The following DNAH11 variants were observed in gnomAD, a reference collection of about 807,000 sequenced individuals.
The protein encoded by DNAH11 is axonemal beta dynein heavy chain 11.
DNAH11 carries 442 observed loss-of-function variants against 526.0 expected under a neutral mutation model. That is an observed-to-expected ratio of 0.84 (90% CI 0.78 to 0.91). DNAH11 has a LOEUF of 0.91. DNAH11 is among the 40% of genes least tolerant of loss of function. DNAH11 has a pLI of 0.00. For missense variants in DNAH11, 6,989 were observed against 5,448.7 expected, an observed-to-expected ratio of 1.28 and a Z score of -8.90; for synonymous variants, 2,461 against 1,935.9, an observed-to-expected ratio of 1.27 and a Z score of -7.12.
chr7:21,557,540 G>T (rs916854681), intron 2 of DNAH11, among the ~76,000 whole-genome samples: 1 of 152,116 alleles, frequency 6.6e-6, no homozygotes, highest in African/African-American at 2.4e-5. Context: ...ATTTTATGGA[G>T]ACACTAATCC....
rs1789438867 is a variant in DNAH11, at chr7:21,809,974, G to A, written c.10332+1925G>A. ...TATGTAAACTTTAGAGTTATAGTTG[G>A]AAAAGTGCTTTAAACAGAAGTGATA... On this transcript the variant is annotated intron_variant, in intron 63 of 81. Transcript: ENST00000409508. Among the ~76,000 whole-genome samples the A allele has an allele frequency of 1.3e-5, 2 of 152,162 alleles. 1 individual carries two copies. The highest frequency in any genetic ancestry group is 1.3e-4 in the Admixed American group (2 of 15,272).
rs1785068983 is a variant in DNAH11 at position 21,601,154 on chromosome 7, C to T, written c.3400C>T (p.His1134Tyr). 6.2e-7 allele frequency: 1 copy of T among 1,602,498 alleles called. No homozygotes were observed. The highest frequency in any genetic ancestry group is 8.5e-7 in the Non-Finnish European group (1 of 1,177,514). ...IKKWSWMFQE[H>Y]LLRFVIDSLN... Reference sequence around the variant, plus strand: ...GAAATGGAGCTGGATGTTTCAGGAGCATCTTTTGAGATTTGTCATTGACAG... The same window carrying T: ...GAAATGGAGCTGGATGTTTCAGGAGTATCTTTTGAGATTTGTCATTGACAG... The change falls in exon 17 of 82, where the codon CAT (histidine) becomes TAT (tyrosine). Residue 1134 changes from histidine (H) to tyrosine (Y), a missense_variant. Coordinates refer to ENST00000409508, the MANE Select transcript of DNAH11 (RefSeq NM_001277115.2).
At position 21,735,778 on chromosome 7, in the gene DNAH11, C is replaced by A. The variant is rs201635346; in HGVS notation, c.7579C>A (p.Leu2527Ile). ...CTTTGTAGGTGACACATTGGCAAGTCTCTCTGAGGATTACATAGTATCCCG... is the reference window on the plus strand; with the variant it reads ...CTTTGTAGGTGACACATTGGCAAGTATCTCTGAGGATTACATAGTATCCCG... ...TVFVGDTLASLSEDYIVSRVP... is the reference protein window; with the variant it reads ...TVFVGDTLASISEDYIVSRVP... Residue 2527 changes from leucine to isoleucine, a missense_variant, in exon 46 of 82, where the codon CTC becomes ATC. Leu to Ile is a conservative substitution (Grantham distance 5, BLOSUM62 2). Coordinates refer to ENST00000409508, the MANE Select transcript of DNAH11 (RefSeq NM_001277115.2). The A allele has an allele frequency of 6.2e-7, 1 of 1,613,948 alleles. No homozygotes were observed. The highest frequency in any genetic ancestry group is 1.7e-5 in the Admixed American group (1 of 60,018).
intron 65 of DNAH11, among the ~76,000 whole-genome samples, chr7:21,830,134 C>T (rs970423065): frequency 1.3e-5 from 2 of 152,090 alleles, no homozygotes; most frequent in Non-Finnish European, 2.9e-5. Flanking sequence ...ATAGATGATA[C>T]GTATTTGAAG....
intron 48 of DNAH11, among the ~76,000 whole-genome samples, chr7:21,739,908 C>G (rs1446862175): frequency 1.3e-5 from 2 of 152,120 alleles, no homozygotes; most frequent in East Asian, 1.9e-4. Flanking sequence ...CAAATAATTC[C>G]TATGTACTCT....
In DNAH11 at chr7:21,601,377, G is replaced by T; in HGVS notation, c.3426-19G>T. The T allele has an allele frequency of 6.3e-7, 1 of 1,596,186 alleles. No individual in the cohort carries two copies. The highest frequency in any genetic ancestry group is 8.6e-7 in the Non-Finnish European group (1 of 1,168,698). Reference sequence around the variant, plus strand: ...ATAAACTTAATTTGTGTGTATCTATGTACATATATATTTAATAGTCTGAAT... The same window carrying T: ...ATAAACTTAATTTGTGTGTATCTATTTACATATATATTTAATAGTCTGAAT... On this transcript the variant is annotated intron_variant, in intron 17 of 81. Coordinates refer to ENST00000409508, the MANE Select transcript of DNAH11 (RefSeq NM_001277115.2).
intron 65 of DNAH11, among the ~76,000 whole-genome samples, chr7:21,841,857 T>C (rs1782216476): frequency 6.6e-6 from 1 of 152,220 alleles, no homozygotes; most frequent in Non-Finnish European, 1.5e-5. Context: ...GCCAGATCTG[T>C]CATTGCTTTT....
In DNAH11 at chr7:21,617,616, T is replaced by G; in HGVS notation, c.4096-3T>G. ...CTAGGTTTTTTCCTCCACTTTTCTTTAGGAAATTTGGTCACTCAACAAGGA... is the reference window on the plus strand; with the variant it reads ...CTAGGTTTTTTCCTCCACTTTTCTTGAGGAAATTTGGTCACTCAACAAGGA... On this transcript the variant is annotated splice_region_variant and splice_polypyrimidine_tract_variant and intron_variant, in intron 22 of 81. Transcript: ENST00000409508. 1 of 1,613,654 alleles carries G rather than the reference T, an allele frequency of 6.2e-7. No homozygotes were observed. The highest frequency in any genetic ancestry group is 8.5e-7 in the Non-Finnish European group (1 of 1,179,736).
chr7:21,613,164 T>C (rs546491054), intron 20 of DNAH11, among the ~76,000 whole-genome samples: 90 of 152,202 alleles, frequency 5.9e-4, no homozygotes, highest in Non-Finnish European at 1.1e-3. Flanking sequence ...GGAAATGAAC[T>C]TCACACACAT....
intron 25 of DNAH11, among the ~76,000 whole-genome samples, chr7:21,635,039 A>T (rs887857248): frequency 6.6e-6 from 1 of 152,186 alleles, no homozygotes; most frequent in Non-Finnish European, 1.5e-5. Flanking sequence ...TGAAAAAACA[A>T]AACAAAAACA....
rs569970844 is a variant in DNAH11, at chr7:21,794,527, C to T, written c.10026+5185C>T. On this transcript the variant is annotated intron_variant, in intron 61 of 81. Transcript: ENST00000409508. ...TAGAAATGCTTGAAGTACTGACCAT[C>T]CTGAATTGAGGGTAAGGGGCCCCAA... 4.7e-4 allele frequency among the ~76,000 whole-genome samples: 71 copies of T among 152,216 alleles called. No individual in the cohort carries two copies. The South Asian group carries it at 5.2e-3, about 11-fold the overall frequency.
At chr7:21,593,035 T>C (rs1452554067) in intron 14 of DNAH11, among the ~76,000 whole-genome samples, 1 of 152,146 alleles carries the variant, frequency 6.6e-6, no homozygotes, top group African/African-American at 2.4e-5. Flanking sequence ...ATATGTATGG[T>C]ATTTAGAGCC....
chr7:21,875,868 A>G (rs1783686527), intron 74 of DNAH11, among the ~76,000 whole-genome samples: 1 of 149,666 alleles, frequency 6.7e-6, no homozygotes, highest in Non-Finnish European at 1.5e-5. Flanking sequence ...ACTTCAAGGA[A>G]GAATATTTCT....
Position 21,659,018 on chromosome 7 carries a change from T to C in DNAH11, c.5315T>C (p.Phe1772Ser). 1 of 1,594,006 alleles carries C rather than the reference T, an allele frequency of 6.3e-7. No individual in the cohort carries two copies. Among genetic ancestry groups the C allele is most frequent in the Non-Finnish European group, 8.5e-7 (1 of 1,171,192 alleles). ...GGCTACGAAACAGCCCTGAAGGATT[T>C]CCATAAAAAACAGGTATTACATAGA... Reference protein sequence around the residue: ...EEGYETALKDFHKKQISQLNT... With the variant: ...EEGYETALKDSHKKQISQLNT... Residue 1772 changes from phenylalanine to serine, a missense_variant, in exon 30 of 82, where the codon TTC becomes TCC. Coordinates refer to ENST00000409508, the MANE Select transcript of DNAH11 (RefSeq NM_001277115.2).
rs750590050 is a variant in DNAH11 at position 21,894,848 on chromosome 7, A to G, written c.12934-36A>G. ...CTATAGTAGACTTCAGCACATTGGA[A>G]GATATTCACTGTGTGGCTTTTTTTC... On this transcript the variant is annotated intron_variant, in intron 78 of 81. Coordinates refer to ENST00000409508, the MANE Select transcript of DNAH11 (RefSeq NM_001277115.2). The G allele has an allele frequency of 2.5e-6, 4 of 1,612,324 alleles. No individual in the cohort carries two copies. The East Asian group carries it at 8.9e-5, about 36-fold the overall frequency.
At chr7:21,895,199 G>T (rs1375221416) in intron 79 of DNAH11, among the ~76,000 whole-genome samples, 200 bp downstream of exon 79, 1 of 152,218 alleles carries the variant, frequency 6.6e-6, no homozygotes, top group Admixed American at 6.5e-5. Flanking sequence ...AAAAGACAGG[G>T]TCAGAGCAAG....
chr7:21,757,537 T>C (rs1057422868), intron 54 of DNAH11, among the ~76,000 whole-genome samples: 2 of 152,230 alleles, frequency 1.3e-5, no homozygotes, highest in African/African-American at 4.8e-5. Flanking sequence ...TTCAGGTTCT[T>C]ATATTAAATC....
chr7:21,613,500 G>T (rs1785626465), intron 20 of DNAH11, among the ~76,000 whole-genome samples: 2 of 150,062 alleles, frequency 1.3e-5, no homozygotes, highest in Non-Finnish European at 3.0e-5. Context: ...GTTCTTGTAT[G>T]TGAAGATATA....
intron 18 of DNAH11, among the ~76,000 whole-genome samples, chr7:21,605,568 C>G (rs1339847029): frequency 6.6e-6 from 1 of 152,174 alleles, no homozygotes; most frequent in East Asian, 1.9e-4. Context: ...TTCAAAAACT[C>G]CTAGTCCCCT....
Sources: gnomAD v4.1 joint callset for allele counts (sites outside exome capture counted in the v4.1 genomes callset) on GRCh38, gnomAD v4.1.1 for gene constraint, MANE v1.5 for transcripts, NCBI Gene and HGNC (gene_info 2026-07-23, HGNC 2026-07-21) for gene names.